The following PTPRN2 variants were observed in gnomAD, a reference collection of about 807,000 sequenced individuals.
The protein encoded by PTPRN2 is protein tyrosine phosphatase receptor type N2, also known as receptor-type tyrosine-protein phosphatase N2.
In PTPRN2, 74 loss-of-function variants were observed where a neutral mutation model predicts 118.8. The observed-to-expected ratio is 0.62, with a 90% confidence interval of 0.52 to 0.76. The LOEUF is 0.76. Among genes scored for constraint, PTPRN2 ranks in the 30% least tolerant of loss-of-function variants. The probability of loss-of-function intolerance (pLI) is 0.00; values close to 1 mark genes in which losing one functional copy is unlikely to be tolerated. For synonymous variants in PTPRN2, 641 were observed against 608.0 expected, an observed-to-expected ratio of 1.05 and a Z score of -0.80; for missense variants, 1,481 against 1,394.4, an observed-to-expected ratio of 1.06 and a Z score of -0.99.
intron 21 of PTPRN2, among the ~76,000 whole-genome samples, chr7:157,559,754 A>C (rs1017786507): frequency 6.6e-6 from 1 of 152,122 alleles, no homozygotes; most frequent in African/African-American, 2.4e-5. Context: ...GTTTGAACAG[A>C]AACATGTGGA....
chr7:157,970,044 T>C (rs532730039), intron 11 of PTPRN2, among the ~76,000 whole-genome samples: 1 of 151,642 alleles, frequency 6.6e-6, no homozygotes, highest in African/African-American at 2.4e-5. Context: ...CCTGGGGAAA[T>C]TGGTGGCCCT....
chr7:157,959,011 C>G (rs1197149254), intron 11 of PTPRN2, among the ~76,000 whole-genome samples: 1 of 152,182 alleles, frequency 6.6e-6, no homozygotes, highest in Admixed American at 6.5e-5. Flanking sequence ...ATCAAAACAG[C>G]ATGGTCCTGG....
rs1037620147 is a variant in PTPRN2, at chr7:157,596,941, G to A, written c.2419-1626C>T. Among the ~76,000 whole-genome samples, 3 of 152,236 alleles carry A rather than the reference G, an allele frequency of 2.0e-5. No individual in the cohort carries two copies. The highest frequency in any genetic ancestry group is 4.1e-4 in the South Asian group (2 of 4,836). ...TTTAAGCCAACGCACGAGGACATCA[G>A]TGGTGGCCCCGGTGCTACCTTAAGT... On this transcript the variant is annotated intron_variant, in intron 16 of 22. Coordinates refer to ENST00000389418, the MANE Select transcript of PTPRN2 (RefSeq NM_002847.5). This position sits in a 1 kb window ranked among gnomAD's most constrained non-coding sequence, Gnocchi z 4.2.
At chr7:157,836,096 T>A (rs1334392819) in intron 12 of PTPRN2, among the ~76,000 whole-genome samples, 1 of 152,204 alleles carries the variant, frequency 6.6e-6, no homozygotes, top group Non-Finnish European at 1.5e-5. Context: ...GAAGAGATTA[T>A]CCCAGGAAGC....
intron 12 of PTPRN2, among the ~76,000 whole-genome samples, chr7:157,724,995 A>T (rs1426469414): frequency 6.6e-6 from 1 of 152,238 alleles, no homozygotes; most frequent in African/African-American, 2.4e-5. Context: ...TTATAACCTT[A>T]AAAATGTACT....
At chr7:158,206,604 G>A (rs765736875) in intron 3 of PTPRN2, among the ~76,000 whole-genome samples, 18 of 151,934 alleles carry the variant, frequency 1.2e-4, no homozygotes, top group Non-Finnish European at 1.9e-4. Context: ...CGTTTGTCTC[G>A]GAGAATGTAA....
In PTPRN2 at chr7:157,835,157, G is replaced by A. The variant is rs140653968; in HGVS notation, c.1788+63516C>T. ...AGGCCACAGCGTCCTGAGCCCCCTA[G>A]GACAAGCAGACCTTCCAGGAGGATT... On this transcript the variant is annotated intron_variant, in intron 12 of 22. Transcript: ENST00000389418. 1.4e-4 allele frequency among the ~76,000 whole-genome samples: 22 copies of A among 152,292 alleles called. No individual in the cohort carries two copies. The East Asian group carries it at 4.1e-3, about 28-fold the overall frequency.
At chr7:157,707,705 T>C (rs1457305586) in intron 12 of PTPRN2, among the ~76,000 whole-genome samples, 2 of 152,110 alleles carry the variant, frequency 1.3e-5, no homozygotes, top group Non-Finnish European at 2.9e-5. Context: ...TGCCTCAGCC[T>C]CCCATAATCC....
intron 11 of PTPRN2, among the ~76,000 whole-genome samples, chr7:157,976,398 C>T (rs1016273623): frequency 6.6e-6 from 1 of 152,144 alleles, no homozygotes; most frequent in African/African-American, 2.4e-5. Context: ...GGCCTCTGTT[C>T]TCTTTATTGT....
intron 4 of PTPRN2, among the ~76,000 whole-genome samples, chr7:158,204,282 T>G (rs1338601125): frequency 6.6e-6 from 1 of 151,828 alleles, no homozygotes; most frequent in African/African-American, 2.4e-5. Flanking sequence ...GTGCGCCGCG[T>G]TCTGAGGAAA....
chr7:158,392,406 C>G (rs1811999307), intron 2 of PTPRN2, among the ~76,000 whole-genome samples: 1 of 152,190 alleles, frequency 6.6e-6, no homozygotes, highest in Admixed American at 6.5e-5. Flanking sequence ...TGCGTCAGCT[C>G]ACACGAGGAG....
intron 1 of PTPRN2, among the ~76,000 whole-genome samples, chr7:158,534,322 C>T (rs1825494892): frequency 6.6e-6 from 1 of 150,584 alleles, no homozygotes; most frequent in Non-Finnish European, 1.5e-5. Context: ...GCCCCGGGCT[C>T]CGTCAGGGAT....
At chr7:158,125,631 T>G (rs939218695) in intron 9 of PTPRN2, among the ~76,000 whole-genome samples, 1 of 152,182 alleles carries the variant, frequency 6.6e-6, no homozygotes, top group East Asian at 1.9e-4. Context: ...ACAGATATTC[T>G]TTTAAGACCA....
chr7:157,693,155 CGGGGA>C (rs1797598836), intron 12 of PTPRN2, among the ~76,000 whole-genome samples: 1 of 150,482 alleles, frequency 6.6e-6, no homozygotes, highest in South Asian at 2.1e-4. Context: ...AGAGAAGGGA[CGGGGA>C]GGGGAGGGGG....
intron 15 of PTPRN2, 123 bp from the exon 16 acceptor site, chr7:157,604,198 T>G (rs1801870737): frequency 1.2e-6 from 1 of 845,548 alleles, no homozygotes; most frequent in African/African-American, 1.7e-5. Flanking sequence ...CCAGGGTCCA[T>G]CACACAGCAG....
At chr7:158,401,032 C>T (rs911430337) in intron 2 of PTPRN2, among the ~76,000 whole-genome samples, 1 of 152,188 alleles carries the variant, frequency 6.6e-6, no homozygotes. Flanking sequence ...CCGCTCATCA[C>T]CCAGGAACCG....
At chr7:157,932,337 C>T (rs1799408824) in intron 11 of PTPRN2, among the ~76,000 whole-genome samples, 1 of 152,202 alleles carries the variant, frequency 6.6e-6, no homozygotes, top group Non-Finnish European at 1.5e-5. Context: ...CACATGAGGC[C>T]CTGCATACCG....
chr7:157,995,353 G>C (rs963061793), intron 11 of PTPRN2, among the ~76,000 whole-genome samples: 2 of 151,998 alleles, frequency 1.3e-5, no homozygotes, highest in African/African-American at 4.8e-5. Flanking sequence ...ACAGCTCCTT[G>C]TTCCTAAATC....
chr7:158,412,669 A>C (rs1372208979), intron 2 of PTPRN2, among the ~76,000 whole-genome samples: 13 of 51,528 alleles, frequency 2.5e-4, no homozygotes, highest in Admixed American at 5.3e-4. Flanking sequence ...CCATCTCAGC[A>C]CCCTCCTCAG....
Sources: gnomAD v4.1 joint callset for allele counts (sites outside exome capture counted in the v4.1 genomes callset) on GRCh38, gnomAD v4.1.1 for gene constraint, Gnocchi (gnomAD v3.1) non-coding constraint, MANE v1.5 for transcripts, NCBI Gene and HGNC (gene_info 2026-07-23, HGNC 2026-07-21) for gene names.